Variants in CACNA1E observed in about 807,000 individuals in gnomAD.
CACNA1E encodes calcium voltage-gated channel subunit alpha1 E.
CACNA1E carries 40 observed loss-of-function variants against 259.2 expected under a neutral mutation model. The observed-to-expected ratio is 0.15, with a 90% CI of 0.12 to 0.20. The LOEUF (loss-of-function observed/expected upper bound fraction) is 0.20. Among genes scored for constraint, CACNA1E ranks in the 10% least tolerant of loss-of-function variants. The pLI is 1.00. For missense variants in CACNA1E, 1,874 were observed against 3,040.1 expected, an observed-to-expected ratio of 0.62 and a Z score of 9.02; for synonymous variants, 1,104 against 1,138.5, an observed-to-expected ratio of 0.97 and a Z score of 0.61.
intron 43 of CACNA1E, among the ~76,000 whole-genome samples, chr1:181,788,563 A>G (rs1346895893): frequency 6.6e-6 from 1 of 152,178 alleles, no homozygotes; most frequent in Non-Finnish European, 1.5e-5. Context: ...AGTGGCCTCT[A>G]CTAAAATCTC....
Position 181,802,444 on chromosome 1 carries a change from G to C in CACNA1E, c.*3610G>C, listed in dbSNP as rs574457824. 1 of 152,260 alleles carries C rather than the reference G, an allele frequency of 6.6e-6. No homozygotes were observed. The highest frequency in any genetic ancestry group is 6.5e-5 in the Admixed American group (1 of 15,280). 9.4% of individuals were successfully genotyped at this position (152,260 alleles called of 1,614,324 possible). A position where few individuals can be genotyped will look rare whatever the true frequency, so the allele number is the denominator to read the frequency against. Reference sequence around the variant, plus strand: ...TGCACAGATTCCTCCCAACCCCATAGAGCCTATGTGGTGAGCATGAGGGTC... The same window carrying C: ...TGCACAGATTCCTCCCAACCCCATACAGCCTATGTGGTGAGCATGAGGGTC... On this transcript the variant is annotated 3_prime_UTR_variant, in exon 48 of 48. Transcript: ENST00000367573.
At chr1:181,590,435 A>G (rs888495173) in intron 6 of CACNA1E, among the ~76,000 whole-genome samples, 1 of 141,942 alleles carries the variant, frequency 7.0e-6, no homozygotes, top group Non-Finnish European at 1.5e-5. Flanking sequence ...ATATATATAT[A>G]TTGTATTTGA....
intron 22 of CACNA1E, 61 bp from the exon 23 acceptor site, chr1:181,737,464 A>G (rs1656148643): frequency 1.9e-6 from 3 of 1,593,996 alleles, no homozygotes. Context: ...TGTGGGAGTG[A>G]GGAGTAAGGG....
intron 6 of CACNA1E, among the ~76,000 whole-genome samples, chr1:181,616,948 T>C (rs1284649441): frequency 6.6e-6 from 1 of 152,234 alleles, no homozygotes; most frequent in Non-Finnish European, 1.5e-5. Context: ...TATTTTCAAA[T>C]TTAGTTGCAT....
intron 18 of CACNA1E, among the ~76,000 whole-genome samples, chr1:181,729,472 A>C (rs1655263179): frequency 6.6e-6 from 1 of 152,258 alleles, no homozygotes; most frequent in South Asian, 2.1e-4. Context: ...ACACAGAAGA[A>C]GCACTGTTAA....
intron 7 of CACNA1E, among the ~76,000 whole-genome samples, chr1:181,686,268 G>A (rs1309031712): frequency 2.6e-5 from 3 of 117,018 alleles, no homozygotes; most frequent in Admixed American, 9.2e-5. Flanking sequence ...AGGCCAGTAA[G>A]AACCAAGTTT....
chr1:181,410,867 C>G (rs1463112491), intron 1 of CACNA1E, among the ~76,000 whole-genome samples: 1 of 152,144 alleles, frequency 6.6e-6, no homozygotes, highest in Admixed American at 6.5e-5. Flanking sequence ...TTGTGACTTG[C>G]AATTTGACTT....
At chr1:181,381,566 T>G (rs531711874) in intron 1 of CACNA1E, among the ~76,000 whole-genome samples, 7 of 152,196 alleles carry the variant, frequency 4.6e-5, no homozygotes, top group African/African-American at 4.8e-5. Context: ...TTTGGGAAAA[T>G]GGCTATGTTC....
chr1:181,401,647 T>C (rs1421914850), intron 1 of CACNA1E, among the ~76,000 whole-genome samples: 35 of 152,240 alleles, frequency 2.3e-4, no homozygotes, highest in Admixed American at 2.3e-3. Flanking sequence ...ATAATTCCTA[T>C]GATAAAGGAG....
At chr1:181,364,519 G>T (rs141977964) in intron 1 of CACNA1E, among the ~76,000 whole-genome samples, 295 of 152,272 alleles carry the variant, frequency 1.9e-3, no homozygotes, top group African/African-American at 6.2e-3. Context: ...AGATTGGAAG[G>T]CCAGACCTCA....
intron 1 of CACNA1E, among the ~76,000 whole-genome samples, chr1:181,394,433 A>G (rs927187504): frequency 6.6e-6 from 1 of 152,202 alleles, no homozygotes. Flanking sequence ...TCACTAAAAT[A>G]TTTTTAGTGT....
chr1:181,728,924 A>G (rs1655186939), intron 18 of CACNA1E, among the ~76,000 whole-genome samples: 1 of 68,252 alleles, frequency 1.5e-5, no homozygotes, highest in Non-Finnish European at 2.8e-5. Context: ...AGATGTGTGA[A>G]CATTGCTCAG....
chr1:181,595,801 C>T (rs1208599502), intron 6 of CACNA1E, among the ~76,000 whole-genome samples: 2 of 152,164 alleles, frequency 1.3e-5, no homozygotes, highest in Non-Finnish European at 2.9e-5. Context: ...TCAGTCCACC[C>T]AGGAACACTA....
At chr1:181,517,570 G>A (rs559962811) in intron 3 of CACNA1E, among the ~76,000 whole-genome samples, 18 of 151,924 alleles carry the variant, frequency 1.2e-4, no homozygotes, top group African/African-American at 4.3e-4. Flanking sequence ...CACATCCTTA[G>A]CTGCAGTTTG....
intron 1 of CACNA1E, among the ~76,000 whole-genome samples, chr1:181,318,483 A>T (rs1447793344): frequency 6.6e-6 from 1 of 152,158 alleles, no homozygotes; most frequent in African/African-American, 2.4e-5. Context: ...CTCACCAAGC[A>T]GTGAGGGGGA....
In CACNA1E at chr1:181,798,840, G is replaced by A. The variant is rs1662054832; in HGVS notation, c.*6G>A. 2 of 1,503,992 alleles carry A rather than the reference G, an allele frequency of 1.3e-6. No individual in the cohort carries two copies. The highest frequency in any genetic ancestry group is 2.8e-5 in the African/African-American group (2 of 72,370). The allele number at this position is 1,503,992 out of a possible 1,614,324, so 93.2% of individuals were successfully genotyped here. Reference sequence around the variant, plus strand: ...AAGAAGATGACAAATGCTAGAGGCTGCTCCCCCCTCCGATGCATGCTCTTC... The same window carrying A: ...AAGAAGATGACAAATGCTAGAGGCTACTCCCCCCTCCGATGCATGCTCTTC... On this transcript the variant is annotated 3_prime_UTR_variant, in exon 48 of 48. Transcript: ENST00000367573. The surrounding 1 kb of genome is among the most constrained non-coding windows in gnomAD (Gnocchi z 4.2).
intron 18 of CACNA1E, among the ~76,000 whole-genome samples, chr1:181,728,450 C>G (rs1461357352): frequency 2.0e-5 from 3 of 152,236 alleles, no homozygotes; most frequent in Non-Finnish European, 4.4e-5. Context: ...GGCTTTGGTG[C>G]TGTACATGTG....
chr1:181,562,301 C>T (rs1649405675), intron 3 of CACNA1E, among the ~76,000 whole-genome samples: 1 of 152,180 alleles, frequency 6.6e-6, no homozygotes, highest in Admixed American at 6.5e-5. Context: ...TGCACCAATT[C>T]ACTGTCCTAC....
At chr1:181,343,466 C>T (rs757039813) in intron 1 of CACNA1E, among the ~76,000 whole-genome samples, 5 of 151,740 alleles carry the variant, frequency 3.3e-5, no homozygotes, top group Non-Finnish European at 5.9e-5. Context: ...CCTCTCTTGC[C>T]GTATGAGGCA....
Sources: allele counts gnomAD v4.1 joint callset (sites outside exome capture counted in the v4.1 genomes callset), GRCh38; gene constraint gnomAD v4.1.1; non-coding constraint Gnocchi (gnomAD v3.1); transcripts MANE v1.5; gene names NCBI Gene and HGNC (gene_info 2026-07-23, HGNC 2026-07-21).